Variants in MRPL30 observed in about 807,000 individuals in gnomAD.
MRPL30 encodes the protein mitochondrial ribosomal protein L30.
A neutral mutation model predicts 17.2 loss-of-function variants in MRPL30; 10 were observed. The observed-to-expected ratio is 0.58, with a 90% CI of 0.36 to 0.99. The LOEUF is 0.99. Among genes scored for constraint, MRPL30 ranks in the 50% least tolerant of loss-of-function variants. MRPL30 has a pLI of 0.01. For missense variants in MRPL30, 170 were observed against 189.8 expected, an observed-to-expected ratio of 0.90 and a Z score of 0.61; for synonymous variants, 61 against 62.1, an observed-to-expected ratio of 0.98 and a Z score of 0.08.
intron 4 of MRPL30, 100 bp downstream of exon 4, chr2:99,194,997 C>G (rs2093952849): frequency 1.5e-6 from 2 of 1,353,078 alleles, no homozygotes. Flanking sequence ...TTTTGTATTA[C>G]TTAGGGTAAT....
chr2:99,181,188 T>C lies in MRPL30; in HGVS notation c.-89T>C. 1 of 627,998 alleles carries C rather than the reference T, an allele frequency of 1.6e-6. No individual in the cohort carries two copies. Among genetic ancestry groups the C allele is most frequent in the Non-Finnish European group, 2.6e-6 (1 of 384,870 alleles). 38.9% of individuals were successfully genotyped at this position (627,998 alleles called of 1,614,324 possible). A position where few individuals can be genotyped will look rare whatever the true frequency, so the allele number is the denominator to read the frequency against. ...AGGCTTTGAGTGTAGCACTTGGTAG[T>C]TCTTCCTCTGCTCTGCTTCCCTTCG... On this transcript the variant is annotated 5_prime_UTR_variant, in exon 1 of 6. Coordinates refer to ENST00000338148, the MANE Select transcript of MRPL30 (RefSeq NM_145212.4).
chr2:99,182,929 A>C (rs2105240318), intron 1 of MRPL30, among the ~76,000 whole-genome samples: 1 of 152,336 alleles, frequency 6.6e-6, no homozygotes, highest in Admixed American at 6.5e-5. Context: ...ACAGATAATT[A>C]AGTTACGTTA....
intron 1 of MRPL30, among the ~76,000 whole-genome samples, chr2:99,181,580 G>A (rs1217120342): frequency 6.7e-6 from 1 of 149,142 alleles, no homozygotes; most frequent in Admixed American, 6.8e-5. Flanking sequence ...ATAACTTAGG[G>A]TTGCCACTGG....
intron 3 of MRPL30, among the ~76,000 whole-genome samples, chr2:99,190,798 A>G (rs6542871): frequency 0.85 from 129,118 of 152,058 alleles, 55,197 homozygotes; most frequent in East Asian, 0.97. Flanking sequence ...GCTAATGCAT[A>G]CTGGGCTTCA....
intron 1 of MRPL30, among the ~76,000 whole-genome samples, chr2:99,183,566 C>T (rs2093929337): frequency 1.0e-5 from 1 of 96,358 alleles, no homozygotes; most frequent in Non-Finnish European, 2.4e-5. Context: ...GAGACTCTGT[C>T]TCAAAAAAAA....
At chr2:99,186,676 T>G (rs1266991743) in intron 2 of MRPL30, among the ~76,000 whole-genome samples, 6 of 152,222 alleles carry the variant, frequency 3.9e-5, no homozygotes, top group African/African-American at 1.2e-4. Context: ...TTTCTGCTGT[T>G]TTATCCCTAA....
chr2:99,191,944 C>A (rs1005870571), intron 3 of MRPL30, among the ~76,000 whole-genome samples: 1 of 151,974 alleles, frequency 6.6e-6, no homozygotes, highest in Admixed American at 6.6e-5. Context: ...TCTCACCTTT[C>A]TTTAGTGCAC....
intron 3 of MRPL30, among the ~76,000 whole-genome samples, chr2:99,189,144 T>C (rs1442204515): frequency 6.6e-6 from 1 of 152,214 alleles, no homozygotes; most frequent in Non-Finnish European, 1.5e-5. Flanking sequence ...GGACACAGTA[T>C]TATTAACTAA....
At chr2:99,188,291 G>A (rs373045949) in intron 3 of MRPL30, 34 bp downstream of exon 3, 8 of 1,509,554 alleles carry the variant, frequency 5.3e-6, no homozygotes, top group Middle Eastern at 1.7e-4. Context: ...TAATGTTAGT[G>A]TTGTTTTAAA....
intron 3 of MRPL30, among the ~76,000 whole-genome samples, chr2:99,188,635 T>C (rs533934970): frequency 2.6e-5 from 4 of 152,348 alleles, no homozygotes; most frequent in African/African-American, 9.6e-5. Flanking sequence ...CTTTCAGCTT[T>C]TTCTATTTCA....
At chr2:99,193,440 G>A (rs977249042) in intron 3 of MRPL30, among the ~76,000 whole-genome samples, 3 of 151,842 alleles carry the variant, frequency 2.0e-5, no homozygotes, top group African/African-American at 7.3e-5. Context: ...TCTTTTTGGG[G>A]GTCAATTTTT....
chr2:99,189,081 T>C (rs1046250146), intron 3 of MRPL30, among the ~76,000 whole-genome samples: 1 of 152,226 alleles, frequency 6.6e-6, no homozygotes, highest in Non-Finnish European at 1.5e-5. Context: ...AGAGTTCCTA[T>C]GTGCTCCCTC....
chr2:99,185,734 T>A lies in MRPL30; in HGVS notation c.-27-443T>A, dbSNP rs151004760. On this transcript the variant is annotated intron_variant, in intron 1 of 5. Transcript: ENST00000338148. ...ACCACAAACTTTATTGATAGCTGGA[T>A]GCACTTGGATAAGTTATTGAACTTT... The A allele has an allele frequency of 8.3e-4, 358 of 433,924 alleles. 5 individuals are homozygous for A. The highest frequency in any genetic ancestry group is 6.6e-3 in the African/African-American group (328 of 49,532). The allele number at this position is 433,924 out of a possible 1,614,324, so 26.9% of individuals were successfully genotyped here.
intron 3 of MRPL30, among the ~76,000 whole-genome samples, chr2:99,193,342 G>A (rs766855049): frequency 6.6e-6 from 1 of 152,204 alleles, no homozygotes; most frequent in Admixed American, 6.5e-5. Context: ...TGGCAAGGCT[G>A]TGGAGAAATA....
chr2:99,188,630 A>T (rs1250464777), intron 3 of MRPL30, among the ~76,000 whole-genome samples: 2 of 152,126 alleles, frequency 1.3e-5, no homozygotes, highest in South Asian at 4.1e-4. Flanking sequence ...TGGATCTTTC[A>T]GCTTTTTCTA....
chr2:99,192,354 C>T (rs1001083660), intron 3 of MRPL30, among the ~76,000 whole-genome samples: 2 of 152,112 alleles, frequency 1.3e-5, no homozygotes, highest in African/African-American at 2.4e-5. Context: ...TGGTTTGCTG[C>T]ACCTATCAAC....
rs1390495929 is a variant in MRPL30 at position 99,195,691 on chromosome 2, G to A, written c.472G>A (p.Ala158Thr). 6.8e-6 allele frequency: 11 copies of A among 1,612,626 alleles called. No homozygotes were observed. Among genetic ancestry groups the A allele is most frequent in the African/African-American group, 1.3e-5 (1 of 74,782 alleles). ...GCATCTGAAACCTGTGGAGCAGAAA[G>A]CACATGAGTCCTAATGCCCCAGCAG... ...QWHLKPVEQK[A>T]HES The change falls in exon 6 of 6, where the codon GCA becomes ACA. Residue 158 changes from alanine to threonine, a missense_variant. Coordinates refer to ENST00000338148, the MANE Select transcript of MRPL30 (RefSeq NM_145212.4).
chr2:99,193,098 C>G (rs1284076743), intron 3 of MRPL30, among the ~76,000 whole-genome samples: 2 of 152,046 alleles, frequency 1.3e-5, no homozygotes, highest in East Asian at 3.9e-4. Context: ...GTCTAATATC[C>G]AGAATCTACA....
Position 99,195,513 on chromosome 2 carries a change from C to T in MRPL30, c.354-60C>T, listed in dbSNP as rs894913757. On this transcript the variant is annotated intron_variant, in intron 5 of 5. Transcript: ENST00000338148. ...GTTATTGTTAACTGTAGTTATCCTG[C>T]GGGGATATAGAACGCTAGAACGTAT... The T allele has an allele frequency of 1.7e-5, 26 of 1,524,644 alleles. No homozygotes were observed. The Middle Eastern group carries it at 5.3e-4, about 31-fold the overall frequency. The allele number at this position is 1,524,644 out of a possible 1,614,324, so 94.4% of individuals were successfully genotyped here.
Sources: gnomAD v4.1 joint callset for allele counts (sites outside exome capture counted in the v4.1 genomes callset) on GRCh38, gnomAD v4.1.1 for gene constraint, MANE v1.5 for transcripts, NCBI Gene and HGNC (gene_info 2026-07-23, HGNC 2026-07-21) for gene names.